RHOA: variants seen among roughly 807,000 people sequenced by gnomAD.
RHOA encodes ras homolog family member A.
A neutral mutation model predicts 17.5 loss-of-function variants in RHOA; 3 were observed. That is an observed-to-expected ratio of 0.17 (90% CI 0.08 to 0.44). RHOA has a LOEUF of 0.44. Ranked by LOEUF, RHOA falls within the 20% of genes least tolerant of loss-of-function variation. RHOA has a pLI of 0.99. For synonymous variants in RHOA, 98 were observed against 88.4 expected (o/e 1.11, Z -0.61); for missense variants, 56 against 242.3 (o/e 0.23, Z 5.10).
intron 1 of RHOA, among the ~76,000 whole-genome samples, chr3:49,389,501 G>A (rs1160335364): frequency 2.6e-5 from 4 of 152,060 alleles, no homozygotes; most frequent in Admixed American, 6.6e-5. Context: ...GGTTCTGAGC[G>A]GCAGGTCTAT....
intron 3 of RHOA, among the ~76,000 whole-genome samples, chr3:49,367,364 A>AAAAAAAAAAG (rs1429030197): frequency 7.0e-6 from 1 of 143,656 alleles, no homozygotes; most frequent in African/African-American, 2.5e-5. Flanking sequence ...AAAAAAAAAA[A>AAAAAAAAAAG]AAGAATACTG....
chr3:49,392,794 T>C (rs1360528456), intron 1 of RHOA, among the ~76,000 whole-genome samples: 1 of 152,180 alleles, frequency 6.6e-6, no homozygotes, highest in Non-Finnish European at 1.5e-5. Flanking sequence ...GTTCTAAACA[T>C]GTCTCCCACA....
At chr3:49,379,246 G>A (rs2048279930) in intron 1 of RHOA, among the ~76,000 whole-genome samples, 1 of 152,146 alleles carries the variant, frequency 6.6e-6, no homozygotes, top group South Asian at 2.1e-4. Context: ...GATAGATCTT[G>A]GAAATGTTAT....
chr3:49,360,493 T>A, intron 4 of RHOA, 111 bp from the exon 5 acceptor site: 3 of 1,222,062 alleles, frequency 2.5e-6, no homozygotes, highest in Non-Finnish European at 3.3e-6. Context: ...TTGAGACAGT[T>A]TTGCTCGTCG....
intron 1 of RHOA, among the ~76,000 whole-genome samples, chr3:49,399,642 G>C (rs2048689251): frequency 6.6e-6 from 1 of 151,124 alleles, no homozygotes; most frequent in Admixed American, 6.6e-5. Flanking sequence ...CTGGAGTGCA[G>C]TGGAGTGATC....
intron 3 of RHOA, among the ~76,000 whole-genome samples, chr3:49,364,076 G>A (rs1332506087): frequency 2.0e-5 from 3 of 151,992 alleles, no homozygotes; most frequent in Non-Finnish European, 2.9e-5. Flanking sequence ...TAGGCTGGGC[G>A]CAGTGGCTCA....
At chr3:49,377,064 G>A (rs888738914) in intron 1 of RHOA, among the ~76,000 whole-genome samples, 2 of 152,158 alleles carry the variant, frequency 1.3e-5, no homozygotes, top group African/African-American at 4.8e-5. Flanking sequence ...GGAGGCAGAG[G>A]TTGTGGTGAG....
In RHOA at chr3:49,377,222, G is replaced by A. The variant is rs533248070; in HGVS notation, c.-2-1631C>T. ...GAAGCAGGAGGAATGCTCAGGCCCA[G>A]GAGTTAAGAGACCAGCCCTGACAAC... On this transcript the variant is annotated intron_variant, in intron 1 of 4. Transcript: ENST00000418115. Among the ~76,000 whole-genome samples, 170 of 152,190 alleles carry A rather than the reference G, an allele frequency of 1.1e-3. 4 individuals carry two copies. In the South Asian group the frequency reaches 0.033, roughly 30 times the overall value.
At chr3:49,362,750 G>C in intron 3 of RHOA, 124 bp from the exon 4 acceptor site, 1 of 752,574 alleles carries the variant, frequency 1.3e-6, no homozygotes, top group Non-Finnish European at 2.2e-6. Flanking sequence ...GACATTTAAT[G>C]AAACTCACTA....
chr3:49,407,378 C>T (rs533042545), intron 1 of RHOA, among the ~76,000 whole-genome samples: 132 of 151,648 alleles, frequency 8.7e-4, no homozygotes, highest in African/African-American at 3.0e-3. Flanking sequence ...GGATTATAGG[C>T]GCCTGCTGCC....
chr3:49,389,879 G>A (rs1188723282), intron 1 of RHOA, among the ~76,000 whole-genome samples: 1 of 145,708 alleles, frequency 6.9e-6, no homozygotes, highest in African/African-American at 2.5e-5. Context: ...GGAGCTTGCA[G>A]TGAGCCGAGA....
chr3:49,361,511 T>C (rs1248788724), intron 4 of RHOA, among the ~76,000 whole-genome samples: 1 of 152,186 alleles, frequency 6.6e-6, no homozygotes, highest in African/African-American at 2.4e-5. Context: ...GCCTTCAAGA[T>C]TTCCTTATCT....
chr3:49,391,968 T>C (rs907049800), intron 1 of RHOA, among the ~76,000 whole-genome samples: 3 of 151,288 alleles, frequency 2.0e-5, no homozygotes, highest in Non-Finnish European at 4.4e-5. Flanking sequence ...GCTGGGATTA[T>C]AGGCATCCAC....
chr3:49,388,827 A>C (rs1432066205), intron 1 of RHOA, among the ~76,000 whole-genome samples: 1 of 152,166 alleles, frequency 6.6e-6, no homozygotes, highest in Non-Finnish European at 1.5e-5. Context: ...TTAATTAACA[A>C]AACAATCCTA....
chr3:49,401,175 T>TGACC (rs1190282586), intron 1 of RHOA, among the ~76,000 whole-genome samples: 4 of 152,084 alleles, frequency 2.6e-5, no homozygotes, highest in African/African-American at 9.7e-5. Context: ...TTTTCTGAAT[T>TGACC]GACCTTAGGA....
intron 1 of RHOA, among the ~76,000 whole-genome samples, chr3:49,407,943 C>T (rs912528357): frequency 3.9e-5 from 6 of 152,200 alleles, no homozygotes; most frequent in Admixed American, 6.5e-5. Flanking sequence ...GGGCAGATCA[C>T]AAGGCCAGGA....
At chr3:49,393,670 CTCTCTCTGTGTGTGTG>C (rs1559512128) in intron 1 of RHOA, among the ~76,000 whole-genome samples, 9,661 of 97,098 alleles carry the variant, frequency 0.099, 1,460 homozygotes, top group East Asian at 0.58. Context: ...GTCTCAAATT[CTCTCTCTGTGTGTGTG>C]TGTGTGTGTG....
At chr3:49,378,276 TCA>T (rs2048266189) in intron 1 of RHOA, among the ~76,000 whole-genome samples, 1 of 118,564 alleles carries the variant, frequency 8.4e-6, no homozygotes, top group Non-Finnish European at 1.6e-5. Flanking sequence ...AGATGAGGTC[TCA>T]CTCTGTCACC....
intron 3 of RHOA, among the ~76,000 whole-genome samples, chr3:49,364,847 C>A (rs903224389): frequency 6.6e-6 from 1 of 151,592 alleles, no homozygotes; most frequent in Non-Finnish European, 1.5e-5. Flanking sequence ...TGGTGCATGC[C>A]TGTAATCCCA....
Sources: allele counts gnomAD v4.1 joint callset (sites outside exome capture counted in the v4.1 genomes callset), GRCh38; gene constraint gnomAD v4.1.1; transcripts MANE v1.5; gene names NCBI Gene and HGNC (gene_info 2026-07-23, HGNC 2026-07-21).